PRKCZ: variants seen among roughly 807,000 people sequenced by gnomAD.
The protein encoded by PRKCZ is protein kinase C zeta.
PRKCZ carries 33 observed loss-of-function variants against 79.5 expected under a neutral mutation model. The ratio of observed to expected loss-of-function variants is 0.41; its 90% CI spans 0.31 to 0.55. The LOEUF (loss-of-function observed/expected upper bound fraction) is 0.55, where lower values mean the gene tolerates loss of function less well. Ranked by LOEUF, PRKCZ falls within the 20% of genes least tolerant of loss-of-function variation. The pLI, the probability that PRKCZ is intolerant of heterozygous loss-of-function variation, is 0.19. For synonymous variants in PRKCZ, 342 were observed against 320.9 expected (o/e 1.07, Z -0.70); for missense variants, 578 against 813.5 (o/e 0.71, Z 3.52).
chr1:2,179,653 C>T (rs895551786), intron 16 of PRKCZ, among the ~76,000 whole-genome samples: 3 of 152,294 alleles, frequency 2.0e-5, no homozygotes, highest in South Asian at 2.1e-4. Flanking sequence ...TGGTGACAGC[C>T]GATTCTCTTG....
chr1:2,119,737 G>A (rs753573420), intron 4 of PRKCZ, among the ~76,000 whole-genome samples: 4 of 150,642 alleles, frequency 2.7e-5, no homozygotes, highest in African/African-American at 9.8e-5. Flanking sequence ...AGTCCCTTTA[G>A]TATTCCTTTC....
At chr1:2,124,492 G>T (rs1037973316) in intron 4 of PRKCZ, among the ~76,000 whole-genome samples, 9 of 152,042 alleles carry the variant, frequency 5.9e-5, no homozygotes, top group Non-Finnish European at 2.9e-5. Flanking sequence ...GAGAGGTTGT[G>T]CTGCGCCTGT....
At chr1:2,114,226 G>A (rs1031054701) in intron 4 of PRKCZ, among the ~76,000 whole-genome samples, 2 of 150,446 alleles carry the variant, frequency 1.3e-5, no homozygotes, top group African/African-American at 2.5e-5. Context: ...GGGCAGGTTC[G>A]TCTTGTGTGT....
At chr1:2,150,161 CAAAAAAAAA>C (rs750010192) in intron 8 of PRKCZ, among the ~76,000 whole-genome samples, 1 of 46,684 alleles carries the variant, frequency 2.1e-5, no homozygotes, top group African/African-American at 7.6e-5. Context: ...GACTCCGTCT[CAAAAAAAAA>C]AAAAAAAAAA....
At chr1:2,055,586 A>C in intron 2 of PRKCZ, 24 bp downstream of exon 2, 20 of 1,606,308 alleles carry the variant, frequency 1.2e-5, no homozygotes, top group Non-Finnish European at 1.7e-5. Context: ...CATGTTGGCC[A>C]GAATCCTCAG....
At chr1:2,053,115 CTT>C (rs35888403) in intron 1 of PRKCZ, among the ~76,000 whole-genome samples, 6 of 144,540 alleles carry the variant, frequency 4.2e-5, no homozygotes, top group African/African-American at 7.6e-5. Context: ...TCAGCTCAGA[CTT>C]TTTTTTTTTT....
At chr1:2,074,862 TA>T (rs58923547) in intron 4 of PRKCZ, 2,959 of 144,568 alleles carry the variant, frequency 0.02, 81 homozygotes, top group African/African-American at 0.072. Flanking sequence ...GTGTTTTTTT[TA>T]AAAAAAAAAA....
intron 4 of PRKCZ, among the ~76,000 whole-genome samples, chr1:2,084,837 T>C (rs1664192579): frequency 6.6e-6 from 1 of 151,948 alleles, no homozygotes. Context: ...CAAAACCCCA[T>C]CTCTACAAAA....
In PRKCZ at chr1:2,082,346, A is replaced by C. The variant is rs1185866858; in HGVS notation, c.334+22755A>C. Reference sequence around the variant, plus strand: ...ATGGACTTGGCAAATCACCTCTTTCAAGTTGCCGGCTACCCGGCTGCCGTA... The same window carrying C: ...ATGGACTTGGCAAATCACCTCTTTCCAGTTGCCGGCTACCCGGCTGCCGTA... On this transcript the variant is annotated intron_variant, in intron 4 of 17. Transcript: ENST00000378567. This position sits in a 1 kb window ranked among gnomAD's most constrained non-coding sequence, Gnocchi z 4.4. 8.8e-6 allele frequency: 4 copies of C among 455,710 alleles called. No individual in the cohort carries two copies. Among genetic ancestry groups the C allele is most frequent in the Admixed American group, 7.1e-5 (3 of 42,480 alleles). The allele number at this position is 455,710 out of a possible 1,614,324, so 28.2% of individuals were successfully genotyped here.
intron 4 of PRKCZ, among the ~76,000 whole-genome samples, chr1:2,102,553 C>T (rs141829549): frequency 7.9e-5 from 12 of 152,080 alleles, no homozygotes; most frequent in South Asian, 2.1e-4. Context: ...GGGATGGTCT[C>T]GATCTCCTGA....
intron 4 of PRKCZ, among the ~76,000 whole-genome samples, chr1:2,111,202 G>T (rs544450721): frequency 3.9e-5 from 6 of 152,218 alleles, no homozygotes; most frequent in African/African-American, 1.4e-4. Flanking sequence ...CTGAGCTGAG[G>T]TTACTGAGCC....
chr1:2,136,709 G>C (rs899799381), intron 5 of PRKCZ, among the ~76,000 whole-genome samples: 5 of 152,124 alleles, frequency 3.3e-5, no homozygotes, highest in African/African-American at 1.2e-4. Flanking sequence ...TATCTGTGGA[G>C]TATGGTGCCA....
chr1:2,078,114 C>G (rs1341855824), intron 4 of PRKCZ, among the ~76,000 whole-genome samples: 1 of 152,242 alleles, frequency 6.6e-6, no homozygotes, highest in Non-Finnish European at 1.5e-5. Flanking sequence ...ACCTGGCCCC[C>G]CACACAACAT....
chr1:2,119,078 TTTG>T (rs1351307134), intron 4 of PRKCZ, among the ~76,000 whole-genome samples: 1 of 152,136 alleles, frequency 6.6e-6, no homozygotes, highest in African/African-American at 2.4e-5. Context: ...TTATTATAGC[TTTG>T]TTAAGTAATA....
chr1:2,120,308 T>TTG (rs1553153609), intron 4 of PRKCZ, among the ~76,000 whole-genome samples: 1 of 132,776 alleles, frequency 7.5e-6, no homozygotes, highest in Admixed American at 7.5e-5. Context: ...TTTTTTTTTT[T>TTG]TTTTTTTTTT....
chr1:2,072,702 C>T (rs537336419), intron 4 of PRKCZ, among the ~76,000 whole-genome samples: 1 of 152,010 alleles, frequency 6.6e-6, no homozygotes, highest in African/African-American at 2.4e-5. Flanking sequence ...CCTTTGCTGT[C>T]TCTAGGAATC....
intron 5 of PRKCZ, among the ~76,000 whole-genome samples, chr1:2,139,878 G>A (rs1001587910): frequency 6.6e-6 from 1 of 152,226 alleles, no homozygotes; most frequent in African/African-American, 2.4e-5. Context: ...ACTCCACCAC[G>A]TGGGGTATAA....
intron 4 of PRKCZ, among the ~76,000 whole-genome samples, chr1:2,089,152 CG>C (rs930360041): frequency 6.6e-6 from 1 of 152,144 alleles, no homozygotes; most frequent in African/African-American, 2.4e-5. Flanking sequence ...TTTCCTTAGC[CG>C]GGGTCAGCTC....
intron 4 of PRKCZ, among the ~76,000 whole-genome samples, chr1:2,112,863 T>TC (rs1670032443): frequency 1.3e-5 from 2 of 152,176 alleles, no homozygotes; most frequent in South Asian, 4.1e-4. Flanking sequence ...CTATTTTTTT[T>TC]CTATATTTGG....
Sources: allele counts gnomAD v4.1 joint callset (sites outside exome capture counted in the v4.1 genomes callset), GRCh38; gene constraint gnomAD v4.1.1; non-coding constraint Gnocchi (gnomAD v3.1); transcripts MANE v1.5; gene names NCBI Gene and HGNC (gene_info 2026-07-23, HGNC 2026-07-21).